The following ATRNL1 variants were observed in gnomAD, a reference collection of about 807,000 sequenced individuals.
ATRNL1 encodes attractin like 1.
Under a neutral mutation model 182.7 loss-of-function variants are expected in ATRNL1, and 95 were observed. That is an observed-to-expected ratio of 0.52 (90% CI 0.44 to 0.62). The LOEUF (loss-of-function observed/expected upper bound fraction) is 0.62, where lower values mean the gene tolerates loss of function less well. Ranked by LOEUF, ATRNL1 falls within the 20% of genes least tolerant of loss-of-function variation. The pLI, the probability that ATRNL1 is intolerant of heterozygous loss-of-function variation, is 0.00. For synonymous variants in ATRNL1, 576 were observed against 568.3 expected, an observed-to-expected ratio of 1.01 and a Z score of -0.19; for missense variants, 1,471 against 1,679.5, an observed-to-expected ratio of 0.88 and a Z score of 2.17.
intron 26 of ATRNL1, among the ~76,000 whole-genome samples, chr10:115,676,968 A>C (rs542848793): frequency 6.6e-6 from 1 of 152,230 alleles, no homozygotes; most frequent in South Asian, 2.1e-4. Context: ...CAAATGCTTA[A>C]ATTTCCTGAT....
At chr10:115,533,075 T>G (rs1554988891) in intron 25 of ATRNL1, among the ~76,000 whole-genome samples, 2 of 152,202 alleles carry the variant, frequency 1.3e-5, no homozygotes, top group African/African-American at 2.4e-5. Context: ...CTTTTTTGGT[T>G]GTGTCTCTGC....
chr10:115,305,604 C>T lies in ATRNL1; in HGVS notation c.2818+3561C>T, dbSNP rs373047423. On this transcript the variant is annotated intron_variant, in intron 17 of 28. Transcript: ENST00000355044. ...AAGACTTGTGGGGAATGAGACAATG[C>T]GCACCTTCTCCTGCCTCAATAGTCA... is the stretch of plus-strand genomic sequence containing the variant. Among the ~76,000 whole-genome samples the T allele has an allele frequency of 2.0e-4, 31 of 152,148 alleles. No homozygotes were observed. The East Asian group carries it at 4.6e-3, about 23-fold the overall frequency.
At chr10:115,856,452 C>T (rs1316235975) in intron 28 of ATRNL1, among the ~76,000 whole-genome samples, 8 of 17,312 alleles carry the variant, frequency 4.6e-4, no homozygotes, top group East Asian at 3.5e-3. Flanking sequence ...AAAAAAAAAG[C>T]CATACATACT....
intron 25 of ATRNL1, among the ~76,000 whole-genome samples, chr10:115,525,799 A>G (rs1178360044): frequency 1.3e-5 from 2 of 152,162 alleles, no homozygotes; most frequent in Non-Finnish European, 2.9e-5. Flanking sequence ...TCCTGAAAAT[A>G]TGCACCAAAA....
At chr10:115,197,514 G>A (rs1848405578) in intron 8 of ATRNL1, among the ~76,000 whole-genome samples, 1 of 152,080 alleles carries the variant, frequency 6.6e-6, no homozygotes. Flanking sequence ...AATTATGTAT[G>A]TATTTTCTTT....
intron 26 of ATRNL1, among the ~76,000 whole-genome samples, chr10:115,702,776 G>T: frequency 6.6e-6 from 1 of 151,778 alleles, no homozygotes; most frequent in Non-Finnish European, 1.5e-5. Flanking sequence ...AAACACTGCT[G>T]AAAGAAGTCA....
chr10:115,801,967 C>G (rs1555084453), intron 27 of ATRNL1, among the ~76,000 whole-genome samples: 1 of 150,334 alleles, frequency 6.7e-6, no homozygotes, highest in African/African-American at 2.4e-5. Context: ...GTCAGCATTA[C>G]TGACACACAA....
chr10:115,592,241 G>A (rs1855951326), intron 26 of ATRNL1, among the ~76,000 whole-genome samples: 2 of 152,066 alleles, frequency 1.3e-5, no homozygotes, highest in Non-Finnish European at 2.9e-5. Flanking sequence ...TGGATGATGG[G>A]ATCAGTATAC....
At chr10:115,626,548 G>T (rs1555024694) in intron 26 of ATRNL1, among the ~76,000 whole-genome samples, 2 of 152,044 alleles carry the variant, frequency 1.3e-5, no homozygotes, top group African/African-American at 4.8e-5. Context: ...AGTAGTCCTT[G>T]GATAATGTTT....
chr10:115,259,099 CTGTT>C (rs1297567801), intron 10 of ATRNL1, among the ~76,000 whole-genome samples: 1 of 152,196 alleles, frequency 6.6e-6, no homozygotes, highest in African/African-American at 2.4e-5. Context: ...AGGAGGCAGT[CTGTT>C]TGTTCTCAGA....
At chr10:115,379,408 C>T (rs552585304) in intron 19 of ATRNL1, among the ~76,000 whole-genome samples, 2 of 152,234 alleles carry the variant, frequency 1.3e-5, no homozygotes, top group South Asian at 2.1e-4. Flanking sequence ...AATGAGCTCA[C>T]AAAAAGTTAG....
chr10:115,843,965 C>T (rs1950870268), intron 27 of ATRNL1, among the ~76,000 whole-genome samples: 1 of 152,046 alleles, frequency 6.6e-6, no homozygotes, highest in Non-Finnish European at 1.5e-5. Context: ...AACTCTTAGA[C>T]CTTCAGTTTC....
intron 26 of ATRNL1, among the ~76,000 whole-genome samples, chr10:115,561,744 T>C (rs1853763476): frequency 6.8e-6 from 1 of 146,390 alleles, no homozygotes. Flanking sequence ...CAGTAACTCA[T>C]GAAAATGAAA....
chr10:115,482,430 A>G (rs948195142), intron 24 of ATRNL1, among the ~76,000 whole-genome samples: 19 of 151,094 alleles, frequency 1.3e-4, no homozygotes, highest in South Asian at 4.1e-4. Context: ...CAAAATTTCC[A>G]TGTTCTTTTA....
intron 26 of ATRNL1, among the ~76,000 whole-genome samples, chr10:115,624,459 T>A (rs1857967447): frequency 6.6e-6 from 1 of 152,098 alleles, no homozygotes. Context: ...TGGAATGACA[T>A]AATTGTTTTG....
At chr10:115,543,835 T>A (rs1177964642) in intron 25 of ATRNL1, among the ~76,000 whole-genome samples, 2 of 152,150 alleles carry the variant, frequency 1.3e-5, no homozygotes, top group African/African-American at 4.8e-5. Flanking sequence ...TCTCCCTAAG[T>A]TTTTATGCTT....
At chr10:115,468,305 A>G (rs1554971308) in intron 23 of ATRNL1, among the ~76,000 whole-genome samples, 1 of 150,862 alleles carries the variant, frequency 6.6e-6, no homozygotes, top group African/African-American at 2.4e-5. Flanking sequence ...TCACTTTAGA[A>G]CAATAATTTT....
chr10:115,353,733 G>A (rs1030613936), intron 19 of ATRNL1, among the ~76,000 whole-genome samples: 8 of 151,544 alleles, frequency 5.3e-5, no homozygotes, highest in Non-Finnish European at 1.0e-4. Flanking sequence ...TCTATTATAG[G>A]TGTTTGCTTT....
In ATRNL1 at chr10:115,171,193, C is replaced by T; in HGVS notation, c.1249C>T (p.His417Tyr). The T allele has an allele frequency of 1.2e-6, 2 of 1,611,162 alleles. No individual in the cohort carries two copies. The highest frequency in any genetic ancestry group is 1.1e-5 in the South Asian group (1 of 90,808). The change falls in exon 8 of 29, where the codon CAT becomes TAT. Residue 417 changes from histidine to tyrosine, a missense_variant. Physicochemically the swap from His to Tyr is moderately conservative, Grantham distance 83. Around this residue, in one of 3 missense-constraint regions of ATRNL1, gnomAD observed 1,031 missense variants for 1,156.0 expected, o/e 0.89. Transcript: ENST00000355044. ...QQYAVEGHSAHIMELDSRDVV... is the reference protein window; with the variant it reads ...QQYAVEGHSAYIMELDSRDVV... ...GTATGCTGTGGAGGGACATTCAGCA[C>T]ATATTATGGAGTTGGATAGTAGAGA...
Sources: allele counts gnomAD v4.1 joint callset (sites outside exome capture counted in the v4.1 genomes callset), GRCh38; gene constraint gnomAD v4.1.1; regional missense constraint gnomAD v4.1.1; transcripts MANE v1.5; gene names NCBI Gene and HGNC (gene_info 2026-07-23, HGNC 2026-07-21).